ACBD3: variants seen among roughly 807,000 people sequenced by gnomAD.
ACBD3 encodes acyl-CoA binding domain containing 3.
ACBD3 carries 30 observed loss-of-function variants against 66.9 expected under a neutral mutation model. The ratio of observed to expected loss-of-function variants is 0.45; its 90% CI spans 0.34 to 0.61. The LOEUF (loss-of-function observed/expected upper bound fraction) is 0.61. ACBD3 is among the 20% of genes least tolerant of loss of function. ACBD3 has a pLI of 0.02. For synonymous variants in ACBD3, 278 were observed against 259.8 expected (o/e 1.07, Z -0.68); for missense variants, 544 against 664.5 (o/e 0.82, Z 1.99).
chr1:226,169,052 G>A (rs927449304), intron 1 of ACBD3, among the ~76,000 whole-genome samples: 16 of 151,940 alleles, frequency 1.1e-4, no homozygotes, highest in Non-Finnish European at 1.9e-4. Flanking sequence ...TAGCAGAGAT[G>A]GGGTTTCACC....
chr1:226,158,910 G>T lies in ACBD3; in HGVS notation c.903+274C>A, dbSNP rs564737255. Among the ~76,000 whole-genome samples, 13 of 152,172 alleles carry T rather than the reference G, an allele frequency of 8.5e-5. No homozygotes were observed. In the South Asian group the frequency reaches 2.5e-3, roughly 29 times the overall value. On this transcript the variant is annotated intron_variant, in intron 5 of 7. Coordinates refer to ENST00000366812, the MANE Select transcript of ACBD3 (RefSeq NM_022735.4). ...CCTCATGTTCCAGGACCACTATTAG[G>T]GTCTATGCCAGACTCACAGTAAAGA...
intron 1 of ACBD3, among the ~76,000 whole-genome samples, chr1:226,177,055 A>G (rs2102789217): frequency 6.6e-6 from 1 of 152,244 alleles, no homozygotes; most frequent in African/African-American, 2.4e-5. Flanking sequence ...GAGTAACAGG[A>G]AACACCCACA....
At chr1:226,179,127 G>C (rs952128167) in intron 1 of ACBD3, among the ~76,000 whole-genome samples, 2 of 152,044 alleles carry the variant, frequency 1.3e-5, no homozygotes, top group Admixed American at 6.6e-5. Context: ...ATATAACATG[G>C]ACAAGTTATT....
At chr1:226,169,210 T>C (rs1659937278) in intron 1 of ACBD3, among the ~76,000 whole-genome samples, 1 of 151,814 alleles carries the variant, frequency 6.6e-6, no homozygotes, top group African/African-American at 2.4e-5. Context: ...TAGCTCCAGC[T>C]CCTGATCTTA....
At chr1:226,160,423 C>A (rs1558126024) in intron 4 of ACBD3, among the ~76,000 whole-genome samples, 1 of 152,122 alleles carries the variant, frequency 6.6e-6, no homozygotes, top group East Asian at 1.9e-4. Context: ...ACTTATGTGA[C>A]CAACTTAACA....
At chr1:226,184,047 C>G (rs558051777) in intron 1 of ACBD3, among the ~76,000 whole-genome samples, 1 of 150,674 alleles carries the variant, frequency 6.6e-6, no homozygotes, top group Non-Finnish European at 1.5e-5. Flanking sequence ...AAAAATTAGC[C>G]GGGCGTGGTG....
At chr1:226,172,589 A>G (rs956369632) in intron 1 of ACBD3, among the ~76,000 whole-genome samples, 2 of 152,132 alleles carry the variant, frequency 1.3e-5, no homozygotes, top group Non-Finnish European at 2.9e-5. Flanking sequence ...AAATCTTACT[A>G]CTGAATCTCC....
At position 226,186,696 on chromosome 1, in the gene ACBD3, C is replaced by A; in HGVS notation, c.-21G>T. 2 of 1,467,248 alleles carry A rather than the reference C, an allele frequency of 1.4e-6. No individual in the cohort carries two copies. The highest frequency in any genetic ancestry group is 2.4e-5 in the Admixed American group (1 of 41,628). 90.9% of individuals were successfully genotyped at this position (1,467,248 alleles called of 1,614,324 possible). On this transcript the variant is annotated 5_prime_UTR_variant, in exon 1 of 8. Transcript: ENST00000366812. ...GCCATCTCCGGCTGCTGCACCTCCT[C>A]AGCGGGGACAGACGGCAGCCACGTA...
At chr1:226,171,736 C>A (rs904763180) in intron 1 of ACBD3, among the ~76,000 whole-genome samples, 5 of 146,956 alleles carry the variant, frequency 3.4e-5, no homozygotes, top group African/African-American at 1.3e-4. Flanking sequence ...TGGGGTTTCA[C>A]CATGTTGGGT....
intron 7 of ACBD3, among the ~76,000 whole-genome samples, chr1:226,147,731 C>T (rs1659485173): frequency 6.6e-6 from 1 of 152,054 alleles, no homozygotes; most frequent in South Asian, 2.1e-4. Context: ...AAAAAATGGG[C>T]TCTGAAAGGT....
chr1:226,159,119 G>A (rs959826832), intron 5 of ACBD3, 65 bp downstream of exon 5: 2 of 1,561,786 alleles, frequency 1.3e-6, no homozygotes, highest in Admixed American at 3.6e-5. Context: ...TGTTAAAAAA[G>A]AACTTGGGTT....
At position 226,179,938 on chromosome 1, in the gene ACBD3, C is replaced by T. The variant is rs544552148; in HGVS notation, c.286+6452G>A. Among the ~76,000 whole-genome samples the T allele has an allele frequency of 5.7e-4, 87 of 151,962 alleles. No individual in the cohort carries two copies. In the Middle Eastern group the frequency reaches 0.01, roughly 18 times the overall value. On this transcript the variant is annotated intron_variant, in intron 1 of 7. Coordinates refer to ENST00000366812, the MANE Select transcript of ACBD3 (RefSeq NM_022735.4). Reference sequence around the variant, plus strand: ...CTGTAATCCCAGCACTTTGGGAGGCCGAGGTGGATGGATCACAAGGTCAGG... The same window carrying T: ...CTGTAATCCCAGCACTTTGGGAGGCTGAGGTGGATGGATCACAAGGTCAGG...
chr1:226,162,280 G>T, intron 3 of ACBD3, among the ~76,000 whole-genome samples: 1 of 149,478 alleles, frequency 6.7e-6, no homozygotes, highest in Non-Finnish European at 1.5e-5. Context: ...AAAAAAAAAA[G>T]GTGAATACAA....
chr1:226,156,959 T>C (rs1659685805), intron 5 of ACBD3, among the ~76,000 whole-genome samples: 1 of 152,158 alleles, frequency 6.6e-6, no homozygotes, highest in Non-Finnish European at 1.5e-5. Flanking sequence ...GAATCTATTG[T>C]ACTACATGTA....
In ACBD3 at chr1:226,145,972, C is replaced by G. The variant is rs922861466; in HGVS notation, c.*638G>C. Reference sequence around the variant, plus strand: ...AGGTGTTCTACGTATCTTGATACTTCAATTATCAATTAGTTTTGAACATTC... The same window carrying G: ...AGGTGTTCTACGTATCTTGATACTTGAATTATCAATTAGTTTTGAACATTC... On this transcript the variant is annotated 3_prime_UTR_variant, in exon 8 of 8. Coordinates refer to ENST00000366812, the MANE Select transcript of ACBD3 (RefSeq NM_022735.4). 5.9e-5 allele frequency: 9 copies of G among 152,634 alleles called. No homozygotes were observed. The highest frequency in any genetic ancestry group is 1.2e-4 in the Non-Finnish European group (8 of 68,070). The allele number at this position is 152,634 out of a possible 1,614,324, so 9.5% of individuals were successfully genotyped here.
chr1:226,149,981 C>T (rs1024195620), intron 7 of ACBD3, among the ~76,000 whole-genome samples: 1 of 151,930 alleles, frequency 6.6e-6, no homozygotes, highest in Non-Finnish European at 1.5e-5. Context: ...TGTTGAAGGT[C>T]ACATGAGAAA....
chr1:226,167,983 C>T (rs1659906821), intron 1 of ACBD3, among the ~76,000 whole-genome samples: 2 of 152,078 alleles, frequency 1.3e-5, no homozygotes, highest in African/African-American at 4.8e-5. Context: ...AAAGTATAAA[C>T]TGTTATAGTT....
intron 1 of ACBD3, among the ~76,000 whole-genome samples, 192 bp from the exon 2 acceptor site, chr1:226,166,192 G>A (rs1214202837): frequency 6.6e-6 from 1 of 152,002 alleles, no homozygotes; most frequent in African/African-American, 2.4e-5. Context: ...GTCTCACTCT[G>A]TTGCCCAGGC....
At chr1:226,158,399 A>C (rs1659713137) in intron 5 of ACBD3, among the ~76,000 whole-genome samples, 1 of 152,218 alleles carries the variant, frequency 6.6e-6, no homozygotes. Flanking sequence ...TGAATGTAAA[A>C]TTAGTGTCTT....
Sources: gnomAD v4.1 joint callset for allele counts (sites outside exome capture counted in the v4.1 genomes callset) on GRCh38, gnomAD v4.1.1 for gene constraint, MANE v1.5 for transcripts, NCBI Gene and HGNC (gene_info 2026-07-23, HGNC 2026-07-21) for gene names.